The following ZNF468 variants were observed in gnomAD, a reference collection of about 807,000 sequenced individuals.
The protein encoded by ZNF468 is zinc finger protein 468.
ZNF468 carries 8 observed loss-of-function variants against 7.2 expected under a neutral mutation model. The ratio of observed to expected loss-of-function variants is 1.11; its 90% CI spans 0.65 to 2.01. ZNF468 has a LOEUF of 2.01. ZNF468 is among the 30% of genes most tolerant of loss of function. ZNF468 has a pLI of 0.00. For synonymous variants in ZNF468, 218 were observed against 214.4 expected, an observed-to-expected ratio of 1.02 and a Z score of -0.15; for missense variants, 608 against 626.5, an observed-to-expected ratio of 0.97 and a Z score of 0.31.
Position 52,839,836 on chromosome 19 carries a change from G to A in ZNF468, c.*889C>T, listed in dbSNP as rs557570513. ...CACCAGTGAAATGCAAGGCATGAACGATGTCTGAAAAATTTGCCACATTTA... is the reference window on the plus strand; with the variant it reads ...CACCAGTGAAATGCAAGGCATGAACAATGTCTGAAAAATTTGCCACATTTA... On this transcript the variant is annotated 3_prime_UTR_variant, in exon 4 of 4. Coordinates refer to ENST00000595646, the MANE Select transcript of ZNF468 (RefSeq NM_001008801.2). The A allele has an allele frequency of 5.2e-6, 3 of 572,154 alleles. No homozygotes were observed. Among genetic ancestry groups the A allele is most frequent in the East Asian group, 5.0e-5 (1 of 19,964 alleles). The allele number at this position is 572,154 out of a possible 1,614,324, so 35.4% of individuals were successfully genotyped here.
chr19:52,857,010 G>C (rs1267358795), intron 1 of ZNF468, among the ~76,000 whole-genome samples: 1 of 151,992 alleles, frequency 6.6e-6, no homozygotes, highest in South Asian at 2.1e-4. Context: ...AGAACACCCC[G>C]CGTCACAGGA....
rs745904884 is a variant in ZNF468, at chr19:52,854,257, C to T, written c.15+1G>A. ...ACAATCCACCGAGGATATCATCTCA[C>T]CTGAGGAAGAGCCATCCCTGACTCC... is the stretch of plus-strand genomic sequence containing the variant. On this transcript the variant is annotated splice_donor_variant, in intron 2 of 3. Transcript: ENST00000595646. LOFTEE classifies it high-confidence loss of function. 1.3e-5 allele frequency: 21 copies of T among 1,613,742 alleles called. No individual in the cohort carries two copies. The highest frequency in any genetic ancestry group is 6.8e-6 in the Non-Finnish European group (8 of 1,179,858).
At chr19:52,850,889 A>T (rs1313957110) in intron 2 of ZNF468, among the ~76,000 whole-genome samples, 1 of 150,492 alleles carries the variant, frequency 6.6e-6, no homozygotes, top group African/African-American at 2.4e-5. Context: ...ACAGAGCGAG[A>T]CTCCGTCTTG....
At chr19:52,852,803 CAT>C (rs1172400043) in intron 2 of ZNF468, among the ~76,000 whole-genome samples, 1 of 152,016 alleles carries the variant, frequency 6.6e-6, no homozygotes, top group East Asian at 1.9e-4. Flanking sequence ...AGCCTTCACA[CAT>C]AGCCCCAAAA....
chr19:52,852,302 GT>G (rs1480827503), intron 2 of ZNF468, among the ~76,000 whole-genome samples: 1 of 151,860 alleles, frequency 6.6e-6, no homozygotes, highest in Non-Finnish European at 1.5e-5. Context: ...GGAGGCAGAG[GT>G]TTCAGTGAGC....
In ZNF468 at chr19:52,840,862, G is replaced by A. The variant is rs796577876; in HGVS notation, c.1432C>T (p.Gln478Ter). ...CGATGGATTATAAGCGATGATGTCT[G>A]ACCGAAGGTCTTGCCACACTCATTA... ...KCNECGKTFG[Q>*]TSSLIIHRRL... Residue 478 changes from glutamine (Q) to a stop codon, truncating the protein, a stop_gained, in exon 4 of 4, where the codon CAG (glutamine) becomes TAG (stop). Transcript: ENST00000595646. LOFTEE classifies it low-confidence loss of function (END_TRUNC). 3.8e-6 allele frequency: 6 copies of A among 1,595,648 alleles called. No homozygotes were observed. Among genetic ancestry groups the A allele is most frequent in the African/African-American group, 2.7e-5 (2 of 72,996 alleles).
At chr19:52,847,828 C>T (rs1206363923) in intron 3 of ZNF468, among the ~76,000 whole-genome samples, 2 of 152,140 alleles carry the variant, frequency 1.3e-5, no homozygotes, top group South Asian at 2.1e-4. Flanking sequence ...TGCCCTGCTA[C>T]ACTCCCCTTG....
At chr19:52,845,729 G>T (rs935175253) in intron 3 of ZNF468, among the ~76,000 whole-genome samples, 9 of 152,222 alleles carry the variant, frequency 5.9e-5, no homozygotes, top group African/African-American at 2.2e-4. Context: ...AACAGTCTAG[G>T]TGTGGTCGTT....
chr19:52,852,404 G>A (rs2063397576), intron 2 of ZNF468, among the ~76,000 whole-genome samples: 1 of 151,808 alleles, frequency 6.6e-6, no homozygotes, highest in Non-Finnish European at 1.5e-5. Flanking sequence ...AGCCAGGCAT[G>A]GTGGCTCACG....
intron 3 of ZNF468, among the ~76,000 whole-genome samples, chr19:52,847,386 T>C (rs572555088): frequency 2.7e-4 from 40 of 150,228 alleles, no homozygotes; most frequent in South Asian, 6.4e-4. Flanking sequence ...CTGGGTATTG[T>C]CCAAGTTTCC....
Position 52,841,912 on chromosome 19 carries a change from G to T in ZNF468, c.382C>A (p.Gln128Lys). ...ATACGCTTGTTTCCAGCATGCCTTT[G>T]ATCATGTTGGCCTGTACTACCAGCC... ...ELAGSTGQHD[Q>K]RHAGNKRIKD... Residue 128 changes from glutamine (Q) to lysine (K), a missense_variant, in exon 4 of 4, where the codon CAA (glutamine) becomes AAA (lysine). Gln to Lys is a moderately conservative substitution (Grantham distance 53). Coordinates refer to ENST00000595646, the MANE Select transcript of ZNF468 (RefSeq NM_001008801.2). 1 of 1,614,042 alleles carries T rather than the reference G, an allele frequency of 6.2e-7. No individual in the cohort carries two copies. The highest frequency in any genetic ancestry group is 1.1e-5 in the South Asian group (1 of 91,068).
At chr19:52,854,179 A>C (rs1282803803) in intron 2 of ZNF468, 79 bp downstream of exon 2, 4 of 1,610,710 alleles carry the variant, frequency 2.5e-6, no homozygotes, top group Non-Finnish European at 2.5e-6. Context: ...GGTCATTCAG[A>C]CCCAGACATT....
rs2063417184 is a variant in ZNF468 at position 52,854,250 on chromosome 19, C to A, written c.15+8G>T. On this transcript the variant is annotated splice_region_variant and intron_variant, in intron 2 of 3. Coordinates refer to ENST00000595646, the MANE Select transcript of ZNF468 (RefSeq NM_001008801.2). ...AGACAGAACAATCCACCGAGGATAT[C>A]ATCTCACCTGAGGAAGAGCCATCCC... 7 of 1,613,862 alleles carry A rather than the reference C, an allele frequency of 4.3e-6. No homozygotes were observed. Among genetic ancestry groups the A allele is most frequent in the Non-Finnish European group, 5.9e-6 (7 of 1,179,854 alleles).
In ZNF468 at chr19:52,849,186, T is replaced by C. The variant is rs144252861; in HGVS notation, c.43A>G (p.Ile15Val). The C allele has an allele frequency of 5.2e-5, 84 of 1,613,952 alleles. 1 individual carries two copies. In the African/African-American group the frequency reaches 1.0e-3, roughly 20 times the overall value. The change falls in exon 3 of 4, where the codon ATA becomes GTA. Residue 15 changes from isoleucine (I) to valine (V), a missense_variant. Physicochemically the swap from Ile to Val is conservative, Grantham distance 29. Transcript: ENST00000595646. ...TTCCACTCCTCCTGAGAGAATTCTA[T>C]GGCCACGTCCCTGAATGTCAATAGA... ...QGLLTFRDVA[I>V]EFSQEEWKCL...
chr19:52,855,478 C>G (rs2063429170), intron 1 of ZNF468, among the ~76,000 whole-genome samples: 1 of 152,238 alleles, frequency 6.6e-6, no homozygotes, highest in Non-Finnish European at 1.5e-5. Flanking sequence ...GGAGGCTGGA[C>G]ACTGGCAGGG....
At chr19:52,845,979 G>C (rs2063339238) in intron 3 of ZNF468, among the ~76,000 whole-genome samples, 1 of 151,892 alleles carries the variant, frequency 6.6e-6, no homozygotes, top group Non-Finnish European at 1.5e-5. Flanking sequence ...CTTCAGCCTG[G>C]GTGACAAGAA....
chr19:52,846,998 C>T (rs1159649957), intron 3 of ZNF468, among the ~76,000 whole-genome samples: 1 of 146,950 alleles, frequency 6.8e-6, no homozygotes, highest in African/African-American at 2.5e-5. Flanking sequence ...GAGACTCTGT[C>T]ATAAAAAAAA....
intron 3 of ZNF468, among the ~76,000 whole-genome samples, chr19:52,844,607 T>C (rs1047823852): frequency 6.6e-6 from 1 of 152,048 alleles, no homozygotes; most frequent in African/African-American, 2.4e-5. Flanking sequence ...GGCATGATCT[T>C]GGCTCACTGC....
At chr19:52,855,642 CCTCT>C (rs1156844812) in intron 1 of ZNF468, among the ~76,000 whole-genome samples, 1 of 142,674 alleles carries the variant, frequency 7.0e-6, no homozygotes, top group Non-Finnish European at 1.6e-5. Flanking sequence ...CTCCAAAGAT[CCTCT>C]CTGTTTCTGA....
Sources: gnomAD v4.1 joint callset for allele counts (sites outside exome capture counted in the v4.1 genomes callset) on GRCh38, gnomAD v4.1.1 for gene constraint, MANE v1.5 for transcripts, NCBI Gene and HGNC (gene_info 2026-07-23, HGNC 2026-07-21) for gene names.